The following SOCS5 variants were observed in gnomAD, a reference collection of about 807,000 sequenced individuals.
SOCS5 encodes suppressor of cytokine signaling 5.
A neutral mutation model predicts 42.8 loss-of-function variants in SOCS5; 32 were observed. The observed-to-expected ratio is 0.75, with a 90% confidence interval of 0.56 to 1.01. SOCS5 has a LOEUF of 1.01. Ranked by LOEUF, SOCS5 falls within the 50% of genes least tolerant of loss-of-function variation. The pLI, the probability that SOCS5 is intolerant of heterozygous loss-of-function variation, is 0.00. For missense variants in SOCS5, 627 were observed against 653.0 expected (o/e 0.96, Z 0.43); for synonymous variants, 283 against 229.6 (o/e 1.23, Z -2.10).
chr2:46,745,638 A>C (rs967347164), intron 1 of SOCS5, among the ~76,000 whole-genome samples: 1 of 152,176 alleles, frequency 6.6e-6, no homozygotes, highest in African/African-American at 2.4e-5. Flanking sequence ...AAAATCACAG[A>C]TCTTTGAGGT....
intron 1 of SOCS5, among the ~76,000 whole-genome samples, chr2:46,713,347 C>T (rs575031110): frequency 6.6e-6 from 1 of 152,300 alleles, no homozygotes; most frequent in South Asian, 2.1e-4. Context: ...CAGAGTGAGT[C>T]TCTGGGTCTA....
rs1055270958 is a variant in SOCS5 at position 46,699,921 on chromosome 2, C to T, written c.-13+472C>T. Among the ~76,000 whole-genome samples, 1 of 151,824 alleles carries T rather than the reference C, an allele frequency of 6.6e-6. No individual in the cohort carries two copies. Among genetic ancestry groups the T allele is most frequent in the East Asian group, 1.9e-4 (1 of 5,170 alleles). Reference sequence around the variant, plus strand: ...AGCCCGATCTGGGGGTCTTCAAGGTCGAGGAGAAAAGATCCTCTTGGGGAT... The same window carrying T: ...AGCCCGATCTGGGGGTCTTCAAGGTTGAGGAGAAAAGATCCTCTTGGGGAT... On this transcript the variant is annotated intron_variant, in intron 1 of 1. Coordinates refer to ENST00000394861, the MANE Select transcript of SOCS5 (RefSeq NM_144949.3). The surrounding 1 kb of genome is among the most constrained non-coding windows in gnomAD (Gnocchi z 4.8).
chr2:46,758,729 C>T lies in SOCS5; in HGVS notation c.199C>T (p.Leu67=), dbSNP rs1673784729. The T allele has an allele frequency of 1.2e-6, 2 of 1,613,996 alleles. No homozygotes were observed. The highest frequency in any genetic ancestry group is 1.7e-6 in the Non-Finnish European group (2 of 1,179,972). ...SPLRENIALQ[L]GLSPSKNSSR... ...CTTAAGAGAAAATATTGCCTTACAA[C>T]TGGGATTAAGCCCTTCGAAGAATTC... is the stretch of plus-strand genomic sequence containing the variant. The change falls in exon 2 of 2, where the codon CTG becomes TTG. Residue 67 remains leucine (L), a synonymous_variant. Transcript: ENST00000394861.
chr2:46,703,505 A>T (rs1280051111), intron 1 of SOCS5, among the ~76,000 whole-genome samples: 1 of 152,244 alleles, frequency 6.6e-6, no homozygotes, highest in Admixed American at 6.5e-5. Flanking sequence ...GGAATTTCAT[A>T]GGTACTCTCT....
intron 1 of SOCS5, among the ~76,000 whole-genome samples, chr2:46,736,547 A>G (rs1011826892): frequency 6.6e-6 from 1 of 152,182 alleles, no homozygotes; most frequent in Non-Finnish European, 1.5e-5. Context: ...TTATTACTCT[A>G]GGAACCTCAT....
Position 46,759,046 on chromosome 2 carries a change from A to G in SOCS5, c.516A>G (p.Val172=). ...HDMDSVSSRT[V]GSRSLRQRLQ... is the part of the protein sequence containing the mutation. The stretch of plus-strand genomic sequence containing the variant: ...TGGACAGTGTTTCCAGCAGAACTGT[A>G]GGAAGTCGCTCTCTAAGACAGAGGT... The change falls in exon 2 of 2, where the codon GTA becomes GTG. Residue 172 remains valine, a synonymous_variant. Transcript: ENST00000394861. 1.9e-6 allele frequency: 3 copies of G among 1,613,998 alleles called. No homozygotes were observed. Among genetic ancestry groups the G allele is most frequent in the Non-Finnish European group, 2.5e-6 (3 of 1,179,848 alleles).
At chr2:46,735,263 G>A (rs1054131474) in intron 1 of SOCS5, among the ~76,000 whole-genome samples, 1 of 152,132 alleles carries the variant, frequency 6.6e-6, no homozygotes, top group Admixed American at 6.6e-5. Context: ...TTTGACCCTT[G>A]TCCTTATGGT....
intron 1 of SOCS5, among the ~76,000 whole-genome samples, chr2:46,707,517 A>T (rs1572828538): frequency 6.6e-6 from 1 of 152,226 alleles, no homozygotes; most frequent in African/African-American, 2.4e-5. Flanking sequence ...GGAAGATGCT[A>T]TTTGATTTTT....
At chr2:46,702,646 A>G (rs974800604) in intron 1 of SOCS5, among the ~76,000 whole-genome samples, 5 of 152,188 alleles carry the variant, frequency 3.3e-5, no homozygotes, top group African/African-American at 9.7e-5. Context: ...TTTTCTATTA[A>G]ACGAATATTT....
chr2:46,702,988 G>C (rs1328504336), intron 1 of SOCS5, among the ~76,000 whole-genome samples: 1 of 152,104 alleles, frequency 6.6e-6, no homozygotes, highest in Non-Finnish European at 1.5e-5. Flanking sequence ...CTTTCCTTAA[G>C]CATCTTTGCC....
chr2:46,708,223 A>G (rs1302003622), intron 1 of SOCS5, among the ~76,000 whole-genome samples: 1 of 152,218 alleles, frequency 6.6e-6, no homozygotes, highest in Non-Finnish European at 1.5e-5. Flanking sequence ...AAACAAGAGC[A>G]CTGCTGATTT....
intron 1 of SOCS5, among the ~76,000 whole-genome samples, chr2:46,720,314 ACT>A (rs1038024705): frequency 1.1e-4 from 16 of 152,194 alleles, no homozygotes; most frequent in African/African-American, 3.9e-4. Flanking sequence ...ATTGCTGGGA[ACT>A]GTACTGCTCT....
rs764379487 is a variant in SOCS5, at chr2:46,759,002, G to GT, written c.473dup (p.Ser159LysfsTer47). The GT allele has an allele frequency of 3.7e-6, 6 of 1,613,966 alleles. No individual in the cohort carries two copies. Among genetic ancestry groups the GT allele is most frequent in the Admixed American group, 1.7e-5 (1 of 60,016 alleles). ...TCAAAGGAGAGAGAGGCGCTACGGC[G>GT]TAAGTTCTGTACACGACATGGACAG... On this transcript the variant is annotated frameshift_variant, in exon 2 of 2. Transcript: ENST00000394861. LOFTEE classifies it high-confidence loss of function.
intron 1 of SOCS5, among the ~76,000 whole-genome samples, chr2:46,722,092 T>C (rs562555533): frequency 6.6e-6 from 1 of 152,132 alleles, no homozygotes; most frequent in Non-Finnish European, 1.5e-5. Flanking sequence ...TTGCTTTGTC[T>C]TAAATTCTCT....
rs144824543 is a variant in SOCS5 at position 46,757,993 on chromosome 2, T to C, written c.-12-526T>C. ...ACATTATAGGGTGGGAGGGAAGATA[T>C]GGGTTTTTTATAAGTGATGAACACA... is the stretch of plus-strand genomic sequence containing the variant. On this transcript the variant is annotated intron_variant, in intron 1 of 1. Coordinates refer to ENST00000394861, the MANE Select transcript of SOCS5 (RefSeq NM_144949.3). Among the ~76,000 whole-genome samples, 1,322 of 152,336 alleles carry C rather than the reference T, an allele frequency of 8.7e-3. 11 individuals carry two copies. The highest frequency in any genetic ancestry group is 0.016 in the African/African-American group (646 of 41,584).
chr2:46,700,318 T>C (rs1230898173), intron 1 of SOCS5, among the ~76,000 whole-genome samples: 2 of 152,234 alleles, frequency 1.3e-5, no homozygotes, highest in African/African-American at 4.8e-5. Context: ...GAAAAATATA[T>C]GTGTATGTTT....
chr2:46,738,869 G>A (rs17771357), intron 1 of SOCS5, among the ~76,000 whole-genome samples: 10,973 of 152,196 alleles, frequency 0.072, 446 homozygotes, highest in Non-Finnish European at 0.084. Flanking sequence ...TCAAATAAGA[G>A]AGCTAGTAAG....
intron 1 of SOCS5, among the ~76,000 whole-genome samples, chr2:46,726,973 C>T (rs1381791784): frequency 6.6e-6 from 1 of 151,718 alleles, no homozygotes; most frequent in Non-Finnish European, 1.5e-5. Flanking sequence ...TCAGGCTGGT[C>T]TCGAACTCCC....
chr2:46,736,137 C>T (rs2103734544), intron 1 of SOCS5, among the ~76,000 whole-genome samples: 2 of 151,980 alleles, frequency 1.3e-5, no homozygotes, highest in Middle Eastern at 6.8e-3. Context: ...ACTTTCTGGG[C>T]CCAATTTTGT....
Sources: allele counts gnomAD v4.1 joint callset (sites outside exome capture counted in the v4.1 genomes callset), GRCh38; gene constraint gnomAD v4.1.1; non-coding constraint Gnocchi (gnomAD v3.1); transcripts MANE v1.5; gene names NCBI Gene and HGNC (gene_info 2026-07-23, HGNC 2026-07-21).